The following RBFOX1 variants were observed in gnomAD, a reference collection of about 807,000 sequenced individuals.
RBFOX1 encodes RNA binding protein fox-1 homolog 1.
Under a neutral mutation model 57.7 loss-of-function variants are expected in RBFOX1, and 8 were observed. The ratio of observed to expected loss-of-function variants is 0.14; its 90% confidence interval spans 0.08 to 0.25. RBFOX1 has a LOEUF of 0.25. Ranked by LOEUF, RBFOX1 falls within the 10% of genes least tolerant of loss-of-function variation. The pLI is 1.00. For missense variants in RBFOX1, 611 were observed against 548.5 expected (o/e 1.11, Z -1.14); for synonymous variants, 326 against 222.4 (o/e 1.47, Z -4.15).
At chr16:6,532,205 A>G (rs1432140028) in intron 2 of RBFOX1, among the ~76,000 whole-genome samples, 4 of 152,144 alleles carry the variant, frequency 2.6e-5, no homozygotes, top group African/African-American at 7.2e-5. Context: ...TATCTTCCAG[A>G]GTGGGAAGGC....
At chr16:6,513,503 G>A (rs1340852742) in intron 2 of RBFOX1, among the ~76,000 whole-genome samples, 2 of 152,158 alleles carry the variant, frequency 1.3e-5, no homozygotes, top group Non-Finnish European at 2.9e-5. Context: ...GGAGGTCGAG[G>A]CAGGCGGATC....
At chr16:6,948,408 G>A (rs2080006017) in intron 3 of RBFOX1, among the ~76,000 whole-genome samples, 2 of 49,500 alleles carry the variant, frequency 4.0e-5, no homozygotes, top group Non-Finnish European at 7.5e-5. Context: ...TTTTTTTGAG[G>A]CTGAGTTTTA....
rs60723864 is a variant in RBFOX1, at chr16:6,656,599, G to GACACACACACACACAC, written c.-16+1966_-16+1981dup. The stretch of plus-strand genomic sequence containing the variant: ...GCTCTTCTCAAGAAAGGGGAAAATA[G>GACACACACACACACAC]ACACACACACACACACACACACACA... On this transcript the variant is annotated intron_variant, in intron 3 of 15. Coordinates refer to ENST00000550418, the MANE Select transcript of RBFOX1 (RefSeq NM_018723.4). Among the ~76,000 whole-genome samples the GACACACACACACACAC allele has an allele frequency of 4.4e-3, 642 of 146,374 alleles. 7 individuals are homozygous for GACACACACACACACAC. Among genetic ancestry groups the GACACACACACACACAC allele is most frequent in the African/African-American group, 0.013 (514 of 39,544 alleles).
chr16:6,351,259 G>A (rs1046860165), intron 2 of RBFOX1, among the ~76,000 whole-genome samples: 7 of 145,054 alleles, frequency 4.8e-5, no homozygotes, highest in Non-Finnish European at 7.5e-5. Flanking sequence ...CGTTTGAATT[G>A]TATTCTAATA....
chr16:6,985,848 C>T (rs371023941), intron 3 of RBFOX1, among the ~76,000 whole-genome samples: 1 of 45,702 alleles, frequency 2.2e-5, no homozygotes, highest in African/African-American at 9.9e-5. Context: ...AAAAAAAAAA[C>T]AGAATTTTTT....
intron 2 of RBFOX1, among the ~76,000 whole-genome samples, chr16:6,568,868 A>C (rs1657716654): frequency 6.6e-6 from 1 of 152,046 alleles, no homozygotes; most frequent in African/African-American, 2.4e-5. Flanking sequence ...TCCTGGGTTT[A>C]AGCGATTATC....
chr16:6,990,666 C>G (rs923972519), intron 3 of RBFOX1, among the ~76,000 whole-genome samples: 7 of 152,106 alleles, frequency 4.6e-5, no homozygotes, highest in Non-Finnish European at 1.0e-4. Flanking sequence ...CTTTCAAAGG[C>G]AAAAGCCGTG....
Position 7,645,179 on chromosome 16 carries a change from C to T in RBFOX1, c.758-8636C>T, listed in dbSNP as rs114998173. On this transcript the variant is annotated intron_variant, in intron 11 of 15. Coordinates refer to ENST00000550418, the MANE Select transcript of RBFOX1 (RefSeq NM_018723.4). The stretch of plus-strand genomic sequence containing the variant: ...CGATGCATCCCAATCAGACCTATAA[C>T]AGCCTAGAAACTTCTGGCTAATTTG... 4.6e-3 allele frequency among the ~76,000 whole-genome samples: 696 copies of T among 152,252 alleles called. 5 individuals carry two copies. The highest frequency in any genetic ancestry group is 0.016 in the African/African-American group (677 of 41,528).
chr16:6,019,288 G>T lies in RBFOX1; in HGVS notation c.-831G>T, dbSNP rs1330784227. The T allele has an allele frequency of 1.0e-6, 1 of 985,300 alleles. No homozygotes were observed. The allele number at this position is 985,300 out of a possible 1,614,324, so 61.0% of individuals were successfully genotyped here. On this transcript the variant is annotated 5_prime_UTR_variant, in exon 1 of 16. Transcript: ENST00000550418. The surrounding 1 kb of genome is among the most constrained non-coding windows in gnomAD (Gnocchi z 4.2). ...CCCTTCCTGGTCTCCCGAGCGCGGG[G>T]TTTGAAGGTCACCTCCTTTCCAGTC...
At chr16:5,780,551 CAATT>C (rs1162262742) in intron 3 of RBFOX1, among the ~76,000 whole-genome samples, 2 of 152,128 alleles carry the variant, frequency 1.3e-5, no homozygotes, top group African/African-American at 4.8e-5. Context: ...ATCAATCAAT[CAATT>C]CCTCCAAATG....
At chr16:7,684,781 A>G (rs2075699057) in intron 14 of RBFOX1, among the ~76,000 whole-genome samples, 1 of 152,092 alleles carries the variant, frequency 6.6e-6, no homozygotes, top group African/African-American at 2.4e-5. Flanking sequence ...GTGGATGACT[A>G]CTACCAAACA....
intron 4 of RBFOX1, among the ~76,000 whole-genome samples, chr16:7,292,265 A>ATAAC (rs1321414960): frequency 5.6e-5 from 6 of 106,896 alleles, no homozygotes; most frequent in Admixed American, 1.0e-4. Flanking sequence ...TATATGATAT[A>ATAAC]GAACGTATTA....
At position 7,710,758 on chromosome 16, in the gene RBFOX1, T is replaced by TA. The variant is rs769881432; in HGVS notation, c.*18dup. On this transcript the variant is annotated 3_prime_UTR_variant, in exon 16 of 16. Transcript: ENST00000550418. ...TGCTCCATACTAAATGACAAAACCA[T>TA]AAAAACCTTCCAATGTGGGGAGAAA... 7 of 1,546,850 alleles carry TA rather than the reference T, an allele frequency of 4.5e-6. No homozygotes were observed. Among genetic ancestry groups the TA allele is most frequent in the Non-Finnish European group, 6.1e-6 (7 of 1,149,808 alleles).
intron 14 of RBFOX1, among the ~76,000 whole-genome samples, chr16:7,695,380 A>T (rs1282400535): frequency 7.3e-6 from 1 of 136,324 alleles, no homozygotes; most frequent in Non-Finnish European, 1.6e-5. Flanking sequence ...CTTCTAGGGC[A>T]TCATCTCCTA....
At chr16:5,556,439 C>T (rs996436285) in intron 2 of RBFOX1, among the ~76,000 whole-genome samples, 1 of 152,202 alleles carries the variant, frequency 6.6e-6, no homozygotes, top group East Asian at 1.9e-4. Context: ...GTTTCCAGGT[C>T]ATTTGACATT....
intron 2 of RBFOX1, among the ~76,000 whole-genome samples, chr16:6,489,557 C>G (rs186893215): frequency 2.6e-5 from 4 of 152,278 alleles, no homozygotes; most frequent in Non-Finnish European, 5.9e-5. Context: ...TAGCCATTTT[C>G]TCATGTACTT....
At chr16:5,449,986 G>A (rs946033081) in intron 1 of RBFOX1, among the ~76,000 whole-genome samples, 3 of 152,146 alleles carry the variant, frequency 2.0e-5, no homozygotes, top group Non-Finnish European at 2.9e-5. Flanking sequence ...GTGGTGTAAA[G>A]ATAATAATAA....
chr16:5,441,469 A>G (rs763422942), intron 1 of RBFOX1, among the ~76,000 whole-genome samples: 1 of 148,952 alleles, frequency 6.7e-6, no homozygotes, highest in African/African-American at 2.5e-5. Flanking sequence ...GGTTCAAGCT[A>G]TTCTCCTGCC....
rs566300246 is a variant in RBFOX1, at chr16:5,861,955, G to A, written c.319-5348G>A. On this transcript the variant is annotated intron_variant, in intron 3 of 19. Transcript: ENST00000641259. ...GGAGGAGATGCGTCTTATACTGTAC[G>A]TGAGATTAAAGTTTTACACAGAGTT... 4.6e-5 allele frequency among the ~76,000 whole-genome samples: 7 copies of A among 152,254 alleles called. No individual in the cohort carries two copies. In the South Asian group the frequency reaches 1.2e-3, roughly 27 times the overall value.
Sources: gnomAD v4.1 joint callset for allele counts (sites outside exome capture counted in the v4.1 genomes callset) on GRCh38, gnomAD v4.1.1 for gene constraint, Gnocchi (gnomAD v3.1) non-coding constraint, MANE v1.5 for transcripts, NCBI Gene and HGNC (gene_info 2026-07-23, HGNC 2026-07-21) for gene names.